Variants in HERC1 observed in about 807,000 individuals in gnomAD.
HERC1 encodes the protein probable E3 ubiquitin-protein ligase HERC1.
HERC1 carries 160 observed loss-of-function variants against 554.3 expected under a neutral mutation model. The ratio of observed to expected loss-of-function variants is 0.29; its 90% CI spans 0.25 to 0.33. The LOEUF (loss-of-function observed/expected upper bound fraction) is 0.33, where lower values mean the gene tolerates loss of function less well. Ranked by LOEUF, HERC1 falls within the 10% of genes least tolerant of loss-of-function variation. The pLI, the probability that HERC1 is intolerant of heterozygous loss-of-function variation, is 1.00. For synonymous variants in HERC1, 2,175 were observed against 2,131.7 expected, an observed-to-expected ratio of 1.02 and a Z score of -0.56; for missense variants, 4,919 against 5,918.5, an observed-to-expected ratio of 0.83 and a Z score of 5.54.
intron 70 of HERC1, 64 bp from the exon 71 acceptor site, chr15:63,626,218 A>C (rs1453205277): frequency 3.9e-6 from 6 of 1,523,870 alleles, no homozygotes; most frequent in Non-Finnish European, 5.3e-6. Flanking sequence ...TCACATTTTG[A>C]AAAATTTCAA....
At chr15:63,620,362 T>G (rs985471047) in intron 74 of HERC1, among the ~76,000 whole-genome samples, 90 of 151,908 alleles carry the variant, frequency 5.9e-4, no homozygotes, top group African/African-American at 2.1e-3. Context: ...TGAGAGACAG[T>G]TTGTTATAAT....
intron 1 of HERC1, among the ~76,000 whole-genome samples, chr15:63,821,286 G>A (rs2077682337): frequency 6.6e-6 from 1 of 151,970 alleles, no homozygotes; most frequent in South Asian, 2.1e-4. Flanking sequence ...CGGGTGCAGT[G>A]GCTCACACCT....
At chr15:63,784,590 T>C (rs899612956) in intron 1 of HERC1, among the ~76,000 whole-genome samples, 1 of 141,818 alleles carries the variant, frequency 7.1e-6, no homozygotes, top group Non-Finnish European at 1.5e-5. Flanking sequence ...TATATATGCA[T>C]GTATTATCAT....
rs769757261 is a variant in HERC1, at chr15:63,686,496, T to G, written c.6088A>C (p.Ile2030Leu). 6.2e-7 allele frequency: 1 copy of G among 1,613,768 alleles called. No homozygotes were observed. The highest frequency in any genetic ancestry group is 1.1e-5 in the South Asian group (1 of 91,022). ...TCCGGGTCAAAGGATACTTCTTGGA[T>G]AGGAAGATTCTCATCTTCTTCTTCC... Reference protein sequence around the residue: ...ELEEEDENLPIQEVSFDPEKA... With the variant: ...ELEEEDENLPLQEVSFDPEKA... The change falls in exon 34 of 78, where the codon ATC becomes CTC. Residue 2030 changes from isoleucine (I) to leucine (L), a missense_variant. By Grantham distance (5) the Ile-to-Leu change is conservative (BLOSUM62 2). Coordinates refer to ENST00000443617, the MANE Select transcript of HERC1 (RefSeq NM_003922.4).
At chr15:63,757,732 C>T (rs967528934) in intron 4 of HERC1, among the ~76,000 whole-genome samples, 86 of 152,066 alleles carry the variant, frequency 5.7e-4, no homozygotes, top group African/African-American at 2.0e-3. Flanking sequence ...TATTTTGAGA[C>T]GGAGCCTCAC....
chr15:63,678,488 A>G, intron 36 of HERC1, 123 bp from the exon 37 acceptor site: 3 of 1,139,904 alleles, frequency 2.6e-6, no homozygotes, highest in Non-Finnish European at 3.6e-6. Context: ...CATGTGAATT[A>G]TACCAACTGG....
intron 1 of HERC1, among the ~76,000 whole-genome samples, chr15:63,819,420 T>C (rs1298827728): frequency 6.6e-6 from 1 of 152,244 alleles, no homozygotes; most frequent in East Asian, 1.9e-4. Flanking sequence ...TAAATGTAAG[T>C]TGTTATTCTC....
intron 1 of HERC1, among the ~76,000 whole-genome samples, chr15:63,804,602 T>G (rs2077083703): frequency 6.7e-6 from 1 of 149,298 alleles, no homozygotes; most frequent in Non-Finnish European, 1.5e-5. Context: ...AAAACAACAC[T>G]GTTAAGAAAA....
At chr15:63,770,792 T>C (rs371815708) in intron 2 of HERC1, among the ~76,000 whole-genome samples, 4 of 152,176 alleles carry the variant, frequency 2.6e-5, no homozygotes, top group South Asian at 4.1e-4. Flanking sequence ...TACTCAAGGA[T>C]AGAGAAATTC....
intron 68 of HERC1, 97 bp downstream of exon 68, chr15:63,632,612 C>T: frequency 1.2e-6 from 1 of 809,236 alleles, no homozygotes; most frequent in Non-Finnish European, 2.1e-6. Flanking sequence ...CCACCTAGAA[C>T]AAAAAAAGGA....
chr15:63,798,465 C>T (rs1024977823), intron 1 of HERC1, among the ~76,000 whole-genome samples: 19 of 151,478 alleles, frequency 1.3e-4, no homozygotes, highest in African/African-American at 3.9e-4. Context: ...ACCACCAAGT[C>T]ATTCCAAGCC....
intron 2 of HERC1, among the ~76,000 whole-genome samples, chr15:63,766,595 C>T (rs1384952110): frequency 6.6e-6 from 1 of 152,218 alleles, no homozygotes; most frequent in Non-Finnish European, 1.5e-5. Flanking sequence ...AAAAACAGCA[C>T]ATTAATAAAG....
rs76892063 is a variant in HERC1 at position 63,672,232 on chromosome 15, G to T, written c.8045+264C>A. 6.5e-3 allele frequency among the ~76,000 whole-genome samples: 988 copies of T among 152,296 alleles called. 4 individuals are homozygous for T. Among genetic ancestry groups the T allele is most frequent in the Non-Finnish European group, 0.011 (744 of 68,022 alleles). On this transcript the variant is annotated intron_variant, in intron 39 of 77. Transcript: ENST00000443617. ...GGGAAAAAATTATCATCATAAGAGAGAGAATGTTAGACTACTTGCTGGTCA... is the reference window on the plus strand; with the variant it reads ...GGGAAAAAATTATCATCATAAGAGATAGAATGTTAGACTACTTGCTGGTCA...
At position 63,775,468 on chromosome 15, in the gene HERC1, T is replaced by C; in HGVS notation, c.156A>G (p.Gln52=). Residue 52 remains glutamine, a synonymous_variant, in exon 2 of 78, where the codon CAA becomes CAG. Coordinates refer to ENST00000443617, the MANE Select transcript of HERC1 (RefSeq NM_003922.4). This position sits in a 1 kb window ranked among gnomAD's most constrained non-coding sequence, Gnocchi z 4.0. ...VSNKEVVPLP[Q]QVLCLKGPQL... is the part of the protein sequence containing the mutation. ...GTGGTCCTTTGAGGCATAAAACTTG[T>C]TGGGGCAAAGGTACTACTTCCTTAT... 6.2e-7 allele frequency: 1 copy of C among 1,614,040 alleles called. No homozygotes were observed. Among genetic ancestry groups the C allele is most frequent in the South Asian group, 1.1e-5 (1 of 91,090 alleles).
chr15:63,724,243 A>G (rs1315370216), intron 18 of HERC1, among the ~76,000 whole-genome samples: 2 of 152,238 alleles, frequency 1.3e-5, no homozygotes, highest in Non-Finnish European at 2.9e-5. Context: ...TAGGACTGTC[A>G]CAAGGTTAAA....
chr15:63,630,053 ATAT>A (rs1281196696), intron 69 of HERC1, among the ~76,000 whole-genome samples: 1 of 152,168 alleles, frequency 6.6e-6, no homozygotes, highest in Non-Finnish European at 1.5e-5. Context: ...AAATATAAAA[ATAT>A]TATTGTTTCA....
At position 63,692,350 on chromosome 15, in the gene HERC1, A is replaced by G; in HGVS notation, c.5830+61T>C. The G allele has an allele frequency of 7.5e-7, 1 of 1,324,572 alleles. No homozygotes were observed. The highest frequency in any genetic ancestry group is 1.0e-6 in the Non-Finnish European group (1 of 979,002). The allele number at this position is 1,324,572 out of a possible 1,614,324, so 82.1% of individuals were successfully genotyped here. A position where few individuals can be genotyped will look rare whatever the true frequency, so the allele number is the denominator to read the frequency against. On this transcript the variant is annotated intron_variant, in intron 31 of 77. Coordinates refer to ENST00000443617, the MANE Select transcript of HERC1 (RefSeq NM_003922.4). The surrounding 1 kb of genome is among the most constrained non-coding windows in gnomAD (Gnocchi z 4.7). ...TGGAGTGTTGCTAAAGTCTGGCATT[A>G]TCTTAATAAAATGCAAGTAATATCT...
chr15:63,612,123 G>C lies in HERC1; in HGVS notation c.14400+128C>G. On this transcript the variant is annotated intron_variant, in intron 77 of 77. Transcript: ENST00000443617. This position sits in a 1 kb window ranked among gnomAD's most constrained non-coding sequence, Gnocchi z 5.0. ...GAACTGCTTGAAGCTAGGAAGCGGA[G>C]GTTGCAGTAAGCTAAAATCATGCCA... 1.3e-6 allele frequency: 1 copy of C among 785,312 alleles called. No homozygotes were observed. Among genetic ancestry groups the C allele is most frequent in the South Asian group, 1.9e-5 (1 of 52,240 alleles). The allele number at this position is 785,312 out of a possible 1,614,324, so 48.6% of individuals were successfully genotyped here. A position where few individuals can be genotyped will look rare whatever the true frequency, so the allele number is the denominator to read the frequency against.
intron 14 of HERC1, 103 bp from the exon 15 acceptor site, chr15:63,729,752 G>A: frequency 8.9e-7 from 1 of 1,118,628 alleles, no homozygotes; most frequent in South Asian, 1.5e-5. Flanking sequence ...GCTGGGTGCG[G>A]TGACTCACAC....
Sources: gnomAD v4.1 joint callset for allele counts (sites outside exome capture counted in the v4.1 genomes callset) on GRCh38, gnomAD v4.1.1 for gene constraint, Gnocchi (gnomAD v3.1) non-coding constraint, MANE v1.5 for transcripts, NCBI Gene and HGNC (gene_info 2026-07-23, HGNC 2026-07-21) for gene names.